The following SLC9C1 variants were observed in gnomAD, a reference collection of about 807,000 sequenced individuals.
The protein encoded by SLC9C1 is sodium/hydrogen exchanger 10.
Under a neutral mutation model 140.9 loss-of-function variants are expected in SLC9C1, and 97 were observed. That is an observed-to-expected ratio of 0.69 (90% CI 0.58 to 0.82). The LOEUF is 0.82. Among genes scored for constraint, SLC9C1 ranks in the 40% least tolerant of loss-of-function variants. The pLI is 0.00. For synonymous variants in SLC9C1, 440 were observed against 442.6 expected (o/e 0.99, Z 0.07); for missense variants, 1,340 against 1,389.3 (o/e 0.96, Z 0.56).
intron 5 of SLC9C1, among the ~76,000 whole-genome samples, chr3:112,275,978 G>C (rs978908487): frequency 2.6e-5 from 4 of 152,050 alleles, no homozygotes; most frequent in African/African-American, 7.2e-5. Flanking sequence ...AGGAATATAA[G>C]AGATACAAGA....
At chr3:112,290,187 G>A (rs867783420) in intron 1 of SLC9C1, among the ~76,000 whole-genome samples, 6 of 152,098 alleles carry the variant, frequency 3.9e-5, no homozygotes, top group South Asian at 4.1e-4. Context: ...CGAGTATACA[G>A]GCTAGACGAA....
intron 7 of SLC9C1, among the ~76,000 whole-genome samples, chr3:112,267,030 C>G (rs1430313939): frequency 6.6e-6 from 1 of 152,140 alleles, no homozygotes; most frequent in African/African-American, 2.4e-5. Flanking sequence ...CCTATAATTC[C>G]AGCACTTTGG....
chr3:112,219,949 C>A (rs1477153066), intron 14 of SLC9C1, among the ~76,000 whole-genome samples: 2 of 152,116 alleles, frequency 1.3e-5, no homozygotes, highest in African/African-American at 4.8e-5. Flanking sequence ...TTAAAAACTT[C>A]CACTGTACAA....
chr3:112,289,234 C>T lies in SLC9C1; in HGVS notation c.-87-2356G>A, dbSNP rs186338404. Among the ~76,000 whole-genome samples, 12 of 152,144 alleles carry T rather than the reference C, an allele frequency of 7.9e-5. No individual in the cohort carries two copies. The East Asian group carries it at 2.3e-3, about 29-fold the overall frequency. On this transcript the variant is annotated intron_variant, in intron 1 of 28. Coordinates refer to ENST00000305815, the MANE Select transcript of SLC9C1 (RefSeq NM_183061.3). ...AGTTTTGTTTGTTATTTATTTGTTG[C>T]GGTGAAGGAGATGACTCACCATGGG... is the stretch of plus-strand genomic sequence containing the variant.
chr3:112,266,672 G>A lies in SLC9C1; in HGVS notation c.776-332C>T, dbSNP rs75102354. On this transcript the variant is annotated intron_variant, in intron 7 of 28. Coordinates refer to ENST00000305815, the MANE Select transcript of SLC9C1 (RefSeq NM_183061.3). ...GAAATGAAAATCAGCTGATGATTTCGTGAACTTGCCCACAACTTCTTAGCA... is the reference window on the plus strand; with the variant it reads ...GAAATGAAAATCAGCTGATGATTTCATGAACTTGCCCACAACTTCTTAGCA... 3.0e-3 allele frequency among the ~76,000 whole-genome samples: 450 copies of A among 152,252 alleles called. 4 individuals carry two copies. Among genetic ancestry groups the A allele is most frequent in the African/African-American group, 0.01 (427 of 41,548 alleles).
chr3:112,188,439 A>G (rs999785115), intron 20 of SLC9C1, among the ~76,000 whole-genome samples: 1 of 144,112 alleles, frequency 6.9e-6, no homozygotes, highest in East Asian at 2.1e-4. Context: ...CCTGTGTCCA[A>G]GTGTTCTCAT....
At chr3:112,147,300 T>C (rs1250059494) in intron 28 of SLC9C1, among the ~76,000 whole-genome samples, 1 of 152,216 alleles carries the variant, frequency 6.6e-6, no homozygotes, top group Non-Finnish European at 1.5e-5. Flanking sequence ...AAGATTCATA[T>C]TGATATGTAA....
At chr3:112,185,097 C>T (rs927343525) in intron 20 of SLC9C1, among the ~76,000 whole-genome samples, 2 of 152,016 alleles carry the variant, frequency 1.3e-5, no homozygotes, top group Admixed American at 6.5e-5. Context: ...AGGGGCAGTT[C>T]CCCAGGGAAT....
At chr3:112,175,944 G>A (rs959694784) in intron 23 of SLC9C1, among the ~76,000 whole-genome samples, 25 of 152,104 alleles carry the variant, frequency 1.6e-4, no homozygotes, top group Non-Finnish European at 3.2e-4. Context: ...GATGTACCAC[G>A]GTCCTGCAGA....
chr3:112,239,635 A>G (rs2079087779), intron 12 of SLC9C1, among the ~76,000 whole-genome samples: 1 of 152,138 alleles, frequency 6.6e-6, no homozygotes, highest in Non-Finnish European at 1.5e-5. Context: ...TATATATTCA[A>G]AGGGGTTATG....
intron 16 of SLC9C1, 97 bp from the exon 17 acceptor site, chr3:112,204,500 T>C: frequency 1.6e-6 from 2 of 1,278,648 alleles, no homozygotes; most frequent in Non-Finnish European, 2.1e-6. Context: ...GCTTTTCTCT[T>C]ATCTACTCCA....
chr3:112,148,091 T>A (rs969094432), intron 28 of SLC9C1, among the ~76,000 whole-genome samples: 3 of 152,246 alleles, frequency 2.0e-5, no homozygotes, highest in African/African-American at 7.2e-5. Flanking sequence ...TCAATTTTTT[T>A]AGGTGAGTTT....
In SLC9C1 at chr3:112,217,552, A is replaced by T. The variant is rs1249898489; in HGVS notation, c.1680T>A (p.Ser560Arg). The change falls in exon 15 of 29, where the codon AGT becomes AGA. Residue 560 changes from serine (S) to arginine (R), a missense_variant. By Grantham distance (110) the Ser-to-Arg change is moderately radical (BLOSUM62 -1). Transcript: ENST00000305815. ...CAGAATAATTCTTTATTGTATCAAG[A>T]CTCATACATCTAGAAAAAGAGAGAA... ...SFGEKKGKCM[S>R]LDTIKNYSES... 6.3e-7 allele frequency: 1 copy of T among 1,580,494 alleles called. No individual in the cohort carries two copies. The highest frequency in any genetic ancestry group is 8.6e-7 in the Non-Finnish European group (1 of 1,167,976).
At chr3:112,291,639 A>G (rs2080686250) in intron 1 of SLC9C1, among the ~76,000 whole-genome samples, 1 of 152,252 alleles carries the variant, frequency 6.6e-6, no homozygotes, top group Non-Finnish European at 1.5e-5. Flanking sequence ...AAGGTTGTGG[A>G]GAAAAAGGAA....
At chr3:112,151,988 T>G in intron 27 of SLC9C1, 25 bp from the exon 28 acceptor site, 1 of 1,559,110 alleles carries the variant, frequency 6.4e-7, no homozygotes, top group Non-Finnish European at 8.6e-7. Context: ...ACTTTGTTAC[T>G]TGATGTCATG....
intron 11 of SLC9C1, among the ~76,000 whole-genome samples, chr3:112,243,499 G>C (rs1306525923): frequency 6.6e-6 from 1 of 152,152 alleles, no homozygotes; most frequent in Admixed American, 6.6e-5. Context: ...GGGAGTACTA[G>C]AGTGGGGAAA....
chr3:112,143,176 TG>T (rs2074682772), intron 28 of SLC9C1, among the ~76,000 whole-genome samples: 1 of 152,172 alleles, frequency 6.6e-6, no homozygotes. Flanking sequence ...TGCTATTTAT[TG>T]TAAGTGGTGC....
chr3:112,216,844 C>T (rs1370840458), intron 15 of SLC9C1, among the ~76,000 whole-genome samples: 1 of 152,152 alleles, frequency 6.6e-6, no homozygotes, highest in African/African-American at 2.4e-5. Context: ...ACCCAGCCAT[C>T]CCATTACTGG....
At chr3:112,152,763 G>C (rs6767017) in intron 27 of SLC9C1, among the ~76,000 whole-genome samples, 45,783 of 151,938 alleles carry the variant, frequency 0.3, 7,119 homozygotes, top group African/African-American at 0.35. Context: ...CTTTTACCAA[G>C]CATACTGCCT....
Sources: allele counts gnomAD v4.1 joint callset (sites outside exome capture counted in the v4.1 genomes callset), GRCh38; gene constraint gnomAD v4.1.1; transcripts MANE v1.5; gene names NCBI Gene and HGNC (gene_info 2026-07-23, HGNC 2026-07-21).